VWA3B: variants seen among roughly 807,000 people sequenced by gnomAD.
VWA3B encodes the protein von Willebrand factor A domain-containing protein 3B.
A neutral mutation model predicts 158.3 loss-of-function variants in VWA3B; 138 were observed. The ratio of observed to expected loss-of-function variants is 0.87; its 90% confidence interval spans 0.76 to 1.00. The LOEUF is 1.00. Ranked by LOEUF, VWA3B falls within the 50% of genes least tolerant of loss-of-function variation. The probability of loss-of-function intolerance (pLI) is 0.00; values close to 1 mark genes in which losing one functional copy is unlikely to be tolerated. For synonymous variants in VWA3B, 596 were observed against 587.3 expected (o/e 1.01, Z -0.21); for missense variants, 1,555 against 1,565.1 (o/e 0.99, Z 0.11).
chr2:98,312,051 G>A lies in VWA3B; in HGVS notation c.3735+19G>A, dbSNP rs750200142. 53 of 1,591,812 alleles carry A rather than the reference G, an allele frequency of 3.3e-5. No homozygotes were observed. In the African/African-American group the frequency reaches 6.6e-4, roughly 20 times the overall value. ...GCCCAGGGTTTGGGTGATGGGGGGGGAACACAACATCGCTTATCTCAGGAA... is the reference window on the plus strand; with the variant it reads ...GCCCAGGGTTTGGGTGATGGGGGGGAAACACAACATCGCTTATCTCAGGAA... On this transcript the variant is annotated intron_variant, in intron 27 of 27. Transcript: ENST00000477737.
intron 26 of VWA3B, among the ~76,000 whole-genome samples, chr2:98,309,175 A>AG (rs1558784860): frequency 5.9e-5 from 9 of 151,964 alleles, no homozygotes; most frequent in Non-Finnish European, 1.3e-4. Flanking sequence ...GTCAAAAAAA[A>AG]AAAAAAGAAA....
intron 22 of VWA3B, among the ~76,000 whole-genome samples, chr2:98,283,593 T>C (rs956565029): frequency 1.3e-5 from 2 of 152,214 alleles, no homozygotes; most frequent in African/African-American, 2.4e-5. Context: ...CACTGGAGTA[T>C]GAAGATGGAA....
chr2:98,284,361 T>C (rs1202312917), intron 22 of VWA3B, among the ~76,000 whole-genome samples: 2 of 152,158 alleles, frequency 1.3e-5, no homozygotes, highest in African/African-American at 4.8e-5. Flanking sequence ...AAATGATAGA[T>C]GGCTACAACA....
intron 7 of VWA3B, among the ~76,000 whole-genome samples, chr2:98,143,081 C>A (rs1676906099): frequency 6.6e-6 from 1 of 151,990 alleles, no homozygotes; most frequent in South Asian, 2.1e-4. Flanking sequence ...TCTCTGTCAC[C>A]CAGGCTGGAG....
intron 7 of VWA3B, among the ~76,000 whole-genome samples, chr2:98,161,726 GGCTGGAGTCTCACTCTGTCTCCTGA>G (rs1321735115): frequency 6.6e-6 from 1 of 151,448 alleles, no homozygotes; most frequent in Admixed American, 6.6e-5. Flanking sequence ...CTGTCTCCTG[GGCTGGAGTCTCACTCTGTCTCCTGA>G]GCTGGAGTGC....
At position 98,290,585 on chromosome 2, in the gene VWA3B, T is replaced by A; in HGVS notation, c.3120T>A (p.Val1040=). The A allele has an allele frequency of 6.3e-7, 1 of 1,595,454 alleles. No homozygotes were observed. The highest frequency in any genetic ancestry group is 8.5e-7 in the Non-Finnish European group (1 of 1,174,816). The change falls in exon 23 of 28, where the codon GTT becomes GTA. Residue 1040 remains valine, a synonymous_variant. Coordinates refer to ENST00000477737, the MANE Select transcript of VWA3B (RefSeq NM_144992.5). ...CAGATCCCCTCAAAGGACAGAAGGT[T>A]ATTGCAAGATGTGATGAAAATGGCT... ...KRPDPLKGQK[V]IARCDENGFY...
chr2:98,087,607 C>A (rs569998906), intron 1 of VWA3B, among the ~76,000 whole-genome samples: 2 of 152,168 alleles, frequency 1.3e-5, no homozygotes, highest in Non-Finnish European at 2.9e-5. Context: ...TTCCATCACA[C>A]CTCACCCGAG....
intron 2 of VWA3B, among the ~76,000 whole-genome samples, chr2:98,093,661 T>C (rs890535289): frequency 1.3e-5 from 2 of 152,156 alleles, no homozygotes; most frequent in African/African-American, 4.8e-5. Flanking sequence ...TGAGAACACT[T>C]ACCCACTCTT....
intron 12 of VWA3B, among the ~76,000 whole-genome samples, chr2:98,200,868 C>T (rs1288234440): frequency 6.6e-6 from 1 of 152,184 alleles, no homozygotes; most frequent in East Asian, 1.9e-4. Context: ...AGGCAGGATC[C>T]AGCACTGTTT....
At chr2:98,285,775 T>C (rs1396156335) in intron 22 of VWA3B, among the ~76,000 whole-genome samples, 1 of 151,970 alleles carries the variant, frequency 6.6e-6, no homozygotes. Flanking sequence ...TCTCAATTTC[T>C]GCAACAACAA....
chr2:98,147,465 A>T (rs1015633791), intron 7 of VWA3B, among the ~76,000 whole-genome samples: 3 of 152,234 alleles, frequency 2.0e-5, no homozygotes, highest in Admixed American at 6.5e-5. Flanking sequence ...TAATTAAGGC[A>T]TAAATATATT....
At position 98,270,680 on chromosome 2, in the gene VWA3B, A is replaced by AG; in HGVS notation, c.2844dup. ...TTGTTTGTTTGTTTCTTTGTTTTTTAGGTTAGATGCAAACAAACCAATACA... is the reference window on the plus strand; with the variant it reads ...TTGTTTGTTTGTTTCTTTGTTTTTTAGGGTTAGATGCAAACAAACCAATACA... On this transcript the variant is annotated splice_acceptor_variant, in intron 21 of 27. Coordinates refer to ENST00000477737, the MANE Select transcript of VWA3B (RefSeq NM_144992.5). LOFTEE classifies it high-confidence loss of function. 1 of 1,605,158 alleles carries AG rather than the reference A, an allele frequency of 6.2e-7. No individual in the cohort carries two copies. The highest frequency in any genetic ancestry group is 8.5e-7 in the Non-Finnish European group (1 of 1,175,822).
At chr2:98,229,476 C>T (rs909066407) in intron 15 of VWA3B, among the ~76,000 whole-genome samples, 1 of 152,204 alleles carries the variant, frequency 6.6e-6, no homozygotes, top group Non-Finnish European at 1.5e-5. Context: ...CTGTCTTCAG[C>T]GCTTCAGAGA....
At chr2:98,104,216 G>T (rs796672583) in intron 2 of VWA3B, among the ~76,000 whole-genome samples, 2 of 152,140 alleles carry the variant, frequency 1.3e-5, no homozygotes, top group Non-Finnish European at 2.9e-5. Flanking sequence ...TTATCCATTT[G>T]TGTTGCTGTA....
At chr2:98,196,904 C>G (rs1262330447) in intron 12 of VWA3B, among the ~76,000 whole-genome samples, 1 of 152,186 alleles carries the variant, frequency 6.6e-6, no homozygotes, top group Non-Finnish European at 1.5e-5. Flanking sequence ...TTCACATTTA[C>G]CCTTCACCTA....
At chr2:98,273,853 G>A (rs1688359603) in intron 22 of VWA3B, among the ~76,000 whole-genome samples, 1 of 152,158 alleles carries the variant, frequency 6.6e-6, no homozygotes, top group Non-Finnish European at 1.5e-5. Context: ...TTGCAAATAG[G>A]AAGTGTTGCG....
At chr2:98,238,090 T>G (rs1685822316) in intron 19 of VWA3B, among the ~76,000 whole-genome samples, 1 of 152,168 alleles carries the variant, frequency 6.6e-6, no homozygotes, top group Admixed American at 6.5e-5. Flanking sequence ...TAGCTGAGAT[T>G]TGATGTATTG....
intron 2 of VWA3B, among the ~76,000 whole-genome samples, chr2:98,100,780 A>G (rs1683025025): frequency 6.6e-6 from 1 of 152,086 alleles, no homozygotes; most frequent in Non-Finnish European, 1.5e-5. Flanking sequence ...ATTTTTCTGC[A>G]TTGTGCTGCC....
At chr2:98,157,509 G>C (rs995812377) in intron 7 of VWA3B, among the ~76,000 whole-genome samples, 1 of 152,094 alleles carries the variant, frequency 6.6e-6, no homozygotes, top group Admixed American at 6.6e-5. Flanking sequence ...TCCCTTTATG[G>C]ATGCAATGTG....
Sources: gnomAD v4.1 joint callset for allele counts (sites outside exome capture counted in the v4.1 genomes callset) on GRCh38, gnomAD v4.1.1 for gene constraint, MANE v1.5 for transcripts, NCBI Gene and HGNC (gene_info 2026-07-23, HGNC 2026-07-21) for gene names.